Variants in MAPK10 observed in about 807,000 individuals in gnomAD.
MAPK10 encodes the protein JNK3 alpha protein kinase.
Under a neutral mutation model 59.3 loss-of-function variants are expected in MAPK10, and 25 were observed. That is an observed-to-expected ratio of 0.42 (90% CI 0.31 to 0.59). The LOEUF is 0.59. MAPK10 is among the 20% of genes least tolerant of loss of function. The probability of loss-of-function intolerance (pLI) is 0.15; values close to 1 mark genes in which losing one functional copy is unlikely to be tolerated. For missense variants in MAPK10, 351 were observed against 568.9 expected, an observed-to-expected ratio of 0.62 and a Z score of 3.90; for synonymous variants, 190 against 200.5, an observed-to-expected ratio of 0.95 and a Z score of 0.44.
intron 2 of MAPK10, among the ~76,000 whole-genome samples, chr4:86,338,968 G>C (rs1723238943): frequency 1.4e-5 from 1 of 68,998 alleles, no homozygotes; most frequent in Non-Finnish European, 3.7e-5. Flanking sequence ...CCATTTTGTA[G>C]ATTAAAAAAA....
chr4:86,135,597 C>G (rs899059280), intron 4 of MAPK10, among the ~76,000 whole-genome samples: 1 of 152,160 alleles, frequency 6.6e-6, no homozygotes, highest in South Asian at 2.1e-4. Flanking sequence ...AAAAACAGAA[C>G]AGAAAAACCG....
At chr4:86,072,085 T>C (rs2048140275) in intron 9 of MAPK10, among the ~76,000 whole-genome samples, 1 of 149,864 alleles carries the variant, frequency 6.7e-6, no homozygotes, top group East Asian at 2.0e-4. Context: ...TGGTTTGTAG[T>C]TCTCCTTGAA....
intron 11 of MAPK10, among the ~76,000 whole-genome samples, chr4:86,051,298 A>G (rs901521083): frequency 1.3e-5 from 2 of 152,130 alleles, no homozygotes; most frequent in Admixed American, 6.6e-5. Flanking sequence ...AACCTTTTCA[A>G]TATTCTGTCT....
At chr4:86,343,707 G>T (rs373493013) in intron 2 of MAPK10, among the ~76,000 whole-genome samples, 48 of 151,894 alleles carry the variant, frequency 3.2e-4, no homozygotes, top group African/African-American at 9.0e-4. Flanking sequence ...ACTCTCACAG[G>T]TATATGGCAG....
At chr4:86,183,289 C>A (rs944448769) in intron 3 of MAPK10, among the ~76,000 whole-genome samples, 1 of 146,034 alleles carries the variant, frequency 6.8e-6, no homozygotes, top group East Asian at 2.1e-4. Flanking sequence ...TCCCTCCCCC[C>A]TCCCCCTACC....
chr4:86,508,106 T>C (rs1261009927), intron 1 of MAPK10, among the ~76,000 whole-genome samples: 1 of 152,194 alleles, frequency 6.6e-6, no homozygotes. Flanking sequence ...CATAGTTTAC[T>C]ATGGCATGTG....
intron 2 of MAPK10, among the ~76,000 whole-genome samples, chr4:86,333,397 C>T (rs2096202249): frequency 6.6e-6 from 1 of 152,196 alleles, no homozygotes; most frequent in Non-Finnish European, 1.5e-5. Flanking sequence ...TAGCTCCTCA[C>T]CTTCCAGCCA....
At chr4:86,132,991 C>G (rs1246568729) in intron 4 of MAPK10, among the ~76,000 whole-genome samples, 1 of 152,158 alleles carries the variant, frequency 6.6e-6, no homozygotes, top group Non-Finnish European at 1.5e-5. Context: ...CCCTCAAGCC[C>G]CAGGCCCATG....
At chr4:86,406,589 C>T (rs903073974) in intron 1 of MAPK10, among the ~76,000 whole-genome samples, 3 of 152,184 alleles carry the variant, frequency 2.0e-5, no homozygotes, top group Admixed American at 6.5e-5. Flanking sequence ...CTGCACTGAA[C>T]ACAGAACACA....
At chr4:86,449,074 C>T (rs1011322612) in intron 1 of MAPK10, among the ~76,000 whole-genome samples, 1 of 152,090 alleles carries the variant, frequency 6.6e-6, no homozygotes, top group African/African-American at 2.4e-5. Context: ...ATCGCTGGCT[C>T]GCCACCCCCA....
At chr4:86,270,368 A>T (rs1273508791) in intron 2 of MAPK10, among the ~76,000 whole-genome samples, 1 of 150,506 alleles carries the variant, frequency 6.6e-6, no homozygotes, top group African/African-American at 2.4e-5. Context: ...AATGAAAAAA[A>T]ATGTGTGCTA....
chr4:86,577,820 G>T (rs1251526829), intron 1 of MAPK10, among the ~76,000 whole-genome samples: 2 of 152,092 alleles, frequency 1.3e-5, no homozygotes, highest in African/African-American at 4.8e-5. Context: ...GGGCATGAAA[G>T]TCTAATGGAT....
chr4:86,303,195 C>T (rs1392283019), intron 2 of MAPK10, among the ~76,000 whole-genome samples: 1 of 152,170 alleles, frequency 6.6e-6, no homozygotes, highest in African/African-American at 2.4e-5. Context: ...CTTCATTAAG[C>T]TTCTTCCTTC....
rs557148985 is a variant in MAPK10 at position 86,087,151 on chromosome 4, A to C, written c.802+11373T>G. 5.3e-5 allele frequency among the ~76,000 whole-genome samples: 8 copies of C among 152,346 alleles called. No homozygotes were observed. The South Asian group carries it at 1.4e-3, about 28-fold the overall frequency. On this transcript the variant is annotated intron_variant, in intron 9 of 13. Coordinates refer to ENST00000641462, the MANE Select transcript of MAPK10 (RefSeq NM_138982.4). Reference sequence around the variant, plus strand: ...CCAAGAAACTATTCTAAAAAATGTTAAATTGTATTTGGTAATTCAGTTGTA... The same window carrying C: ...CCAAGAAACTATTCTAAAAAATGTTCAATTGTATTTGGTAATTCAGTTGTA...
At chr4:86,550,374 TAAAAAAAAAAAA>T (rs753508493) in intron 1 of MAPK10, among the ~76,000 whole-genome samples, 226 of 77,382 alleles carry the variant, frequency 2.9e-3, no homozygotes, top group African/African-American at 0.011. Flanking sequence ...GAGCTTCAGT[TAAAAAAAAAAAA>T]AAAAAAAAAA....
intron 2 of MAPK10, chr4:86,327,127 C>A (rs2096042240): frequency 6.8e-6 from 1 of 147,876 alleles, no homozygotes; most frequent in African/African-American, 2.5e-5. Context: ...TGTGCCATCA[C>A]ACCCAGCTAA....
chr4:86,428,974 C>T (rs373958096), intron 1 of MAPK10, among the ~76,000 whole-genome samples: 2 of 152,100 alleles, frequency 1.3e-5, no homozygotes, highest in African/African-American at 2.4e-5. Flanking sequence ...AAGGTTCTTG[C>T]GGGGTTTTTC....
chr4:86,547,964 A>C (rs566985831), intron 1 of MAPK10, among the ~76,000 whole-genome samples: 12 of 152,184 alleles, frequency 7.9e-5, no homozygotes, highest in Non-Finnish European at 1.6e-4. Context: ...CGGCTCTACC[A>C]ATCAGCAGGA....
chr4:86,536,007 A>G (rs931005533), intron 1 of MAPK10, among the ~76,000 whole-genome samples: 8 of 152,222 alleles, frequency 5.3e-5, no homozygotes, highest in Admixed American at 2.0e-4. Context: ...AGGCTATAGT[A>G]ATGCAATAAG....
Sources: allele counts gnomAD v4.1 joint callset (sites outside exome capture counted in the v4.1 genomes callset), GRCh38; gene constraint gnomAD v4.1.1; transcripts MANE v1.5; gene names NCBI Gene and HGNC (gene_info 2026-07-23, HGNC 2026-07-21).